Variants in PCCA observed in about 807,000 individuals in gnomAD.
The protein encoded by PCCA is propionyl-CoA carboxylase subunit alpha.
A neutral mutation model predicts 101.3 loss-of-function variants in PCCA; 74 were observed. The ratio of observed to expected loss-of-function variants is 0.73; its 90% CI spans 0.61 to 0.89. The LOEUF (loss-of-function observed/expected upper bound fraction) is 0.89, where lower values mean the gene tolerates loss of function less well. PCCA is among the 40% of genes least tolerant of loss of function. The pLI, the probability that PCCA is intolerant of heterozygous loss-of-function variation, is 0.00. For synonymous variants in PCCA, 294 were observed against 313.6 expected (o/e 0.94, Z 0.66); for missense variants, 891 against 907.0 (o/e 0.98, Z 0.23).
At chr13:100,288,099 TAGAC>T (rs2064831252) in intron 12 of PCCA, among the ~76,000 whole-genome samples, 3 of 152,222 alleles carry the variant, frequency 2.0e-5, no homozygotes, top group Admixed American at 2.0e-4. Context: ...AAGAAAGAGA[TAGAC>T]GGAGTTTTTA....
At chr13:100,256,866 T>C (rs1421172441) in intron 8 of PCCA, among the ~76,000 whole-genome samples, 3 of 152,242 alleles carry the variant, frequency 2.0e-5, no homozygotes, top group Non-Finnish European at 4.4e-5. Context: ...TAAATGACTC[T>C]TGCTGTCAGA....
intron 18 of PCCA, among the ~76,000 whole-genome samples, chr13:100,344,443 G>C (rs1376764372): frequency 3.3e-5 from 5 of 152,114 alleles, no homozygotes; most frequent in African/African-American, 1.2e-4. Context: ...CCCTTTGACT[G>C]TTTCTTCTTT....
intron 12 of PCCA, among the ~76,000 whole-genome samples, chr13:100,283,125 A>G (rs1352346407): frequency 6.6e-6 from 1 of 152,170 alleles, no homozygotes; most frequent in Non-Finnish European, 1.5e-5. Context: ...GGTCTAGGGC[A>G]AACCTTCGAC....
At chr13:100,288,908 G>T (rs772627884) in intron 12 of PCCA, among the ~76,000 whole-genome samples, 5 of 152,002 alleles carry the variant, frequency 3.3e-5, no homozygotes, top group African/African-American at 1.2e-4. Flanking sequence ...AATAGCAACA[G>T]TAGTAGAGTA....
At chr13:100,174,304 C>T (rs558132861) in intron 6 of PCCA, among the ~76,000 whole-genome samples, 30 of 151,946 alleles carry the variant, frequency 2.0e-4, no homozygotes, top group Admixed American at 3.9e-4. Context: ...TTCTAAAAAG[C>T]TCGAGTTTCA....
At chr13:100,274,942 G>C (rs1026550672) in intron 12 of PCCA, among the ~76,000 whole-genome samples, 6 of 151,848 alleles carry the variant, frequency 4.0e-5, no homozygotes, top group South Asian at 4.2e-4. Flanking sequence ...GGTGAGTGGG[G>C]GGATTATGGG....
At chr13:100,238,193 G>A (rs1323151248) in intron 8 of PCCA, among the ~76,000 whole-genome samples, 4 of 151,942 alleles carry the variant, frequency 2.6e-5, no homozygotes, top group Non-Finnish European at 5.9e-5. Context: ...GCCCACCTCA[G>A]CCTCCCAAAG....
intron 7 of PCCA, among the ~76,000 whole-genome samples, chr13:100,216,544 G>C (rs1451304168): frequency 6.6e-6 from 1 of 152,190 alleles, no homozygotes; most frequent in Non-Finnish European, 1.5e-5. Flanking sequence ...TTAAGTCAAT[G>C]CTCAGTCAGT....
chr13:100,462,003 G>A (rs943039666), intron 21 of PCCA, among the ~76,000 whole-genome samples: 1 of 152,156 alleles, frequency 6.6e-6, no homozygotes, highest in Admixed American at 6.5e-5. Context: ...GAAGCAGGTG[G>A]CGGTCACAGA....
chr13:100,421,731 C>A (rs1425072681), intron 19 of PCCA, among the ~76,000 whole-genome samples: 1 of 152,106 alleles, frequency 6.6e-6, no homozygotes, highest in Non-Finnish European at 1.5e-5. Context: ...GTCGTGCAGG[C>A]TGGAGTGTGG....
intron 16 of PCCA, among the ~76,000 whole-genome samples, chr13:100,316,229 A>G (rs549263641): frequency 3.2e-4 from 48 of 152,324 alleles, no homozygotes; most frequent in African/African-American, 9.4e-4. Context: ...ATAGTCATAT[A>G]TAATATTTTA....
At chr13:100,194,658 A>T (rs528629303) in intron 6 of PCCA, among the ~76,000 whole-genome samples, 9 of 152,262 alleles carry the variant, frequency 5.9e-5, no homozygotes, top group Admixed American at 5.9e-4. Context: ...TGACCTTGTG[A>T]TCTGCCCACC....
intron 20 of PCCA, among the ~76,000 whole-genome samples, chr13:100,445,525 G>GTA (rs1433365901): frequency 1.3e-5 from 2 of 151,844 alleles, no homozygotes; most frequent in African/African-American, 4.8e-5. Flanking sequence ...TAGCTTTCTC[G>GTA]TACCTATTTC....
At chr13:100,144,284 A>C (rs1370637105) in intron 4 of PCCA, among the ~76,000 whole-genome samples, 1 of 152,242 alleles carries the variant, frequency 6.6e-6, no homozygotes, top group Admixed American at 6.5e-5. Context: ...CCGTAAATCA[A>C]GAGCTGTCCT....
chr13:100,476,008 T>C lies in PCCA; in HGVS notation c.1899+26703T>C, dbSNP rs1179389575. On this transcript the variant is annotated intron_variant, in intron 21 of 23. Coordinates refer to ENST00000376285, the MANE Select transcript of PCCA (RefSeq NM_000282.4). ...AACAAAGCACATACATTTCAGTTAA[T>C]ATATATTTTCTAGGACGTTATTGTC... 2.0e-5 allele frequency among the ~76,000 whole-genome samples: 3 copies of C among 152,238 alleles called. No homozygotes were observed. The East Asian group carries it at 5.8e-4, about 29-fold the overall frequency.
chr13:100,207,829 C>A (rs1352638570), intron 6 of PCCA, among the ~76,000 whole-genome samples: 1 of 151,836 alleles, frequency 6.6e-6, no homozygotes, highest in Non-Finnish European at 1.5e-5. Flanking sequence ...ATCATCCTGG[C>A]CAATATGGTG....
At chr13:100,377,401 A>G (rs1324734107) in intron 19 of PCCA, among the ~76,000 whole-genome samples, 2 of 151,868 alleles carry the variant, frequency 1.3e-5, no homozygotes, top group Non-Finnish European at 2.9e-5. Flanking sequence ...CTTTCAGACT[A>G]TTTGTGTCTT....
chr13:100,164,525 T>A (rs1231853527), intron 6 of PCCA, among the ~76,000 whole-genome samples: 2 of 152,288 alleles, frequency 1.3e-5, no homozygotes, highest in African/African-American at 2.4e-5. Flanking sequence ...AGTGCTTTTT[T>A]CCCCTGACTC....
In PCCA at chr13:100,469,211, C is replaced by CAAAA. The variant is rs534361898; in HGVS notation, c.1899+19919_1899+19922dup. ...GGGCAACAAGAGTGAAACTCCGTCTCAAAAAAAAAAAAAAAAGAATCCCTT... is the reference window on the plus strand; with the variant it reads ...GGGCAACAAGAGTGAAACTCCGTCTCAAAAAAAAAAAAAAAAAAAAGAATCCCTT... On this transcript the variant is annotated intron_variant, in intron 21 of 23. Coordinates refer to ENST00000376285, the MANE Select transcript of PCCA (RefSeq NM_000282.4). Among the ~76,000 whole-genome samples, 24 of 65,048 alleles carry CAAAA rather than the reference C, an allele frequency of 3.7e-4. 1 individual carries two copies. Among genetic ancestry groups the CAAAA allele is most frequent in the South Asian group, 5.7e-4 (1 of 1,752 alleles). The allele number at this position is 65,048 out of a possible 152,430, so 42.7% of individuals were successfully genotyped here. A position where few individuals can be genotyped will look rare whatever the true frequency, so the allele number is the denominator to read the frequency against.
Sources: allele counts gnomAD v4.1 joint callset (sites outside exome capture counted in the v4.1 genomes callset), GRCh38; gene constraint gnomAD v4.1.1; transcripts MANE v1.5; gene names NCBI Gene and HGNC (gene_info 2026-07-23, HGNC 2026-07-21).